TRIML2: variants seen among roughly 807,000 people sequenced by gnomAD.
TRIML2 encodes the protein probable E3 ubiquitin-protein ligase TRIML2.
A neutral mutation model predicts 31.2 loss-of-function variants in TRIML2; 28 were observed. The ratio of observed to expected loss-of-function variants is 0.90; its 90% CI spans 0.66 to 1.23. TRIML2 has a LOEUF of 1.23. TRIML2 is among the 50% of genes most tolerant of loss of function. TRIML2 has a pLI of 0.00. For synonymous variants in TRIML2, 187 were observed against 197.5 expected (o/e 0.95, Z 0.45); for missense variants, 536 against 528.3 (o/e 1.01, Z -0.14).
chr4:188,104,211 C>T (rs991164584), intron 3 of TRIML2, among the ~76,000 whole-genome samples: 1 of 152,154 alleles, frequency 6.6e-6, no homozygotes, highest in Non-Finnish European at 1.5e-5. Flanking sequence ...ATTGCAAATG[C>T]CATTTTACTC....
In TRIML2 at chr4:188,096,528, C is replaced by CAAAAAAA. The variant is rs10607852; in HGVS notation, c.745+526_745+532dup. ...GCCTGGGCAAAGTGAAACTCTGTCT[C>CAAAAAAA]AAAAAAAAAAAAAAAAAAAAAAAAA... is the stretch of plus-strand genomic sequence containing the variant. On this transcript the variant is annotated intron_variant, in intron 7 of 7. Coordinates refer to ENST00000682553, the MANE Select transcript of TRIML2 (RefSeq NM_173553.4). Among the ~76,000 whole-genome samples the CAAAAAAA allele has an allele frequency of 1.3e-3, 53 of 39,288 alleles. 2 individuals are homozygous for CAAAAAAA. Among genetic ancestry groups the CAAAAAAA allele is most frequent in the Non-Finnish European group, 2.1e-3 (42 of 20,436 alleles). The allele number at this position is 39,288 out of a possible 152,430, so 25.8% of individuals were successfully genotyped here.
chr4:188,106,860 C>T (rs932570470), intron 1 of TRIML2: 5 of 260,864 alleles, frequency 1.9e-5, no homozygotes, highest in African/African-American at 9.2e-5. Context: ...GGGTGCGGTA[C>T]CACCGGCGCT....
At chr4:188,102,434 C>T (rs775880613) in intron 3 of TRIML2, among the ~76,000 whole-genome samples, 7 of 152,024 alleles carry the variant, frequency 4.6e-5, no homozygotes, top group African/African-American at 7.2e-5. Context: ...AATTAGACAT[C>T]CAAGTAAAGA....
At chr4:188,098,864 G>T in intron 5 of TRIML2, 171 bp downstream of exon 5, 1 of 706,008 alleles carries the variant, frequency 1.4e-6, no homozygotes, top group Non-Finnish European at 2.3e-6. Flanking sequence ...ATCCCACAAA[G>T]CTATGACCAT....
chr4:188,095,089 A>C (rs1298508918), intron 7 of TRIML2, among the ~76,000 whole-genome samples: 1 of 152,202 alleles, frequency 6.6e-6, no homozygotes, highest in Non-Finnish European at 1.5e-5. Context: ...TAAAAATAGA[A>C]GGTGGGGGGA....
chr4:188,105,375 A>AGGGGTCCCTAGTT lies in TRIML2; in HGVS notation c.-20_-8dup, dbSNP rs769924905. The stretch of plus-strand genomic sequence containing the variant: ...GGCTGAGCCTTTTGGACATCCTGGT[A>AGGGGTCCCTAGTT]GGGGTCCCTAGTTGAAGACTGGACT... On this transcript the variant is annotated 5_prime_UTR_variant, in exon 2 of 8. Coordinates refer to ENST00000682553, the MANE Select transcript of TRIML2 (RefSeq NM_173553.4). 5 of 1,558,712 alleles carry AGGGGTCCCTAGTT rather than the reference A, an allele frequency of 3.2e-6. No homozygotes were observed. The highest frequency in any genetic ancestry group is 8.7e-7 in the Non-Finnish European group (1 of 1,148,960).
chr4:188,094,450 TA>T (rs1733411563), intron 7 of TRIML2, among the ~76,000 whole-genome samples: 1 of 152,210 alleles, frequency 6.6e-6, no homozygotes, highest in Non-Finnish European at 1.5e-5. Flanking sequence ...TCAATATATA[TA>T]AAACAATTCC....
intron 4 of TRIML2, among the ~76,000 whole-genome samples, chr4:188,100,059 C>T (rs1733704128): frequency 6.6e-6 from 1 of 152,084 alleles, no homozygotes. Context: ...TCTTGGAGAA[C>T]ATTCCTTATT....
chr4:188,106,921 C>T, intron 1 of TRIML2: 1 of 226,250 alleles, frequency 4.4e-6, no homozygotes, highest in South Asian at 7.8e-5. Context: ...CAATGTCCTT[C>T]TTAAGTCCTT....
At chr4:188,108,182 G>A (rs1734121752) in intron 1 of TRIML2, among the ~76,000 whole-genome samples, 2 of 152,050 alleles carry the variant, frequency 1.3e-5, no homozygotes, top group African/African-American at 4.8e-5. Flanking sequence ...GTGCTTCAAG[G>A]TTGAGTTCTG....
intron 4 of TRIML2, among the ~76,000 whole-genome samples, 194 bp from the exon 5 acceptor site, chr4:188,099,369 G>A (rs1001774404): frequency 1.3e-5 from 2 of 152,286 alleles, no homozygotes; most frequent in South Asian, 4.1e-4. Context: ...TTTGAGACCA[G>A]CCTGGCCAAC....
intron 1 of TRIML2, 22 bp from the exon 2 acceptor site, chr4:188,105,612 G>T: frequency 2.5e-6 from 1 of 394,054 alleles, no homozygotes; most frequent in Non-Finnish European, 4.6e-6. Flanking sequence ...GACAGAGTTA[G>T]GCCAGTGTTC....
rs979253568 is a variant in TRIML2 at position 188,100,134 on chromosome 4, G to A, written c.480+922C>T. On this transcript the variant is annotated intron_variant, in intron 4 of 7. Coordinates refer to ENST00000682553, the MANE Select transcript of TRIML2 (RefSeq NM_173553.4). ...GAGTATTCTTCCATGTATGTATGGA[G>A]CACATTTTGTGAGTCTTCTATTGAC... Among the ~76,000 whole-genome samples, 33 of 152,110 alleles carry A rather than the reference G, an allele frequency of 2.2e-4. 1 individual carries two copies. The highest frequency in any genetic ancestry group is 2.6e-4 in the Non-Finnish European group (18 of 68,024).
chr4:188,091,333 T>C lies in TRIML2; in HGVS notation c.*40A>G. 6.4e-7 allele frequency: 1 copy of C among 1,566,400 alleles called. No homozygotes were observed. The highest frequency in any genetic ancestry group is 1.9e-5 in the Admixed American group (1 of 53,820). On this transcript the variant is annotated 3_prime_UTR_variant, in exon 8 of 8. Transcript: ENST00000682553. The stretch of plus-strand genomic sequence containing the variant: ...TTCTTTCAAAGTCTTGTTCTCCAAC[T>C]TTCTGGTGTCTCGTGGTCTTGGATT...
chr4:188,102,052 C>A (rs532053092), intron 3 of TRIML2, among the ~76,000 whole-genome samples: 1 of 150,696 alleles, frequency 6.6e-6, no homozygotes, highest in South Asian at 2.1e-4. Context: ...ATGGCGTGAA[C>A]CCGGGAGGTG....
intron 3 of TRIML2, among the ~76,000 whole-genome samples, chr4:188,102,347 G>A (rs1029997650): frequency 6.6e-6 from 1 of 151,980 alleles, no homozygotes; most frequent in East Asian, 1.9e-4. Flanking sequence ...AAAATATATA[G>A]AGAGAATCTA....
At chr4:188,101,812 C>T (rs1185033140) in intron 3 of TRIML2, among the ~76,000 whole-genome samples, 1 of 151,976 alleles carries the variant, frequency 6.6e-6, no homozygotes, top group Non-Finnish European at 1.5e-5. Flanking sequence ...AATTTTAGAA[C>T]ATAAAATGCA....
chr4:188,091,632 A>G lies in TRIML2; in HGVS notation c.1055T>C (p.Leu352Pro). The change falls in exon 8 of 8, where the codon CTC becomes CCC. Residue 352 changes from leucine to proline, a missense_variant. Physicochemically the swap from Leu to Pro is moderately conservative, Grantham distance 98. Transcript: ENST00000682553. ...CCTTTTCAGAGGGGGGAAGACCCAG[A>G]GAGTCCACTCGGTCCCCATCACCGA... ...TGSVMGTEWT[L>P]WVFPPLKRLF... 1.2e-6 allele frequency: 2 copies of G among 1,614,120 alleles called. No individual in the cohort carries two copies. Among genetic ancestry groups the G allele is most frequent in the Non-Finnish European group, 1.7e-6 (2 of 1,179,994 alleles).
rs556288549 is a variant in TRIML2 at position 188,097,983 on chromosome 4, A to G, written c.622-637T>C. Among the ~76,000 whole-genome samples, 551 of 152,058 alleles carry G rather than the reference A, an allele frequency of 3.6e-3. 3 individuals carry two copies. Among genetic ancestry groups the G allele is most frequent in the African/African-American group, 0.012 (519 of 41,528 alleles). ...CTAAAAATACAAAAATTAGCTGGAC[A>G]TGGTGGTGGGCGCCTGTAATCCCAA... is the stretch of plus-strand genomic sequence containing the variant. On this transcript the variant is annotated intron_variant, in intron 5 of 7. Coordinates refer to ENST00000682553, the MANE Select transcript of TRIML2 (RefSeq NM_173553.4).
Sources: gnomAD v4.1 joint callset for allele counts (sites outside exome capture counted in the v4.1 genomes callset) on GRCh38, gnomAD v4.1.1 for gene constraint, MANE v1.5 for transcripts, NCBI Gene and HGNC (gene_info 2026-07-23, HGNC 2026-07-21) for gene names.